KLF12: variants seen among roughly 807,000 people sequenced by gnomAD.
The protein encoded by KLF12 is Krueppel-like factor 12.
A neutral mutation model predicts 37.8 loss-of-function variants in KLF12; 9 were observed. That is an observed-to-expected ratio of 0.24 (90% confidence interval 0.14 to 0.42). The LOEUF is 0.42. KLF12 is among the 10% of genes least tolerant of loss of function. KLF12 has a pLI of 1.00. For missense variants in KLF12, 411 were observed against 516.0 expected (o/e 0.80, Z 1.97); for synonymous variants, 208 against 202.1 (o/e 1.03, Z -0.25).
intron 3 of KLF12, among the ~76,000 whole-genome samples, chr13:73,909,178 T>C (rs1024708671): frequency 6.6e-6 from 1 of 152,198 alleles, no homozygotes; most frequent in African/African-American, 2.4e-5. Flanking sequence ...GATCACCTTC[T>C]AACCCTCCCA....
intron 6 of KLF12, among the ~76,000 whole-genome samples, chr13:73,763,471 C>G (rs896342792): frequency 6.6e-6 from 1 of 152,178 alleles, no homozygotes; most frequent in African/African-American, 2.4e-5. Context: ...CAGTAGTAAA[C>G]ATCACTTTTG....
chr13:74,224,606 T>C, the KLF12 span, among the ~76,000 whole-genome samples: 10 of 152,304 alleles, frequency 6.6e-5, no homozygotes, highest in African/African-American at 2.4e-4. Flanking sequence ...TTGCTTGGAA[T>C]TGAATGTTTT....
chr13:74,238,684 C>A, the KLF12 span, among the ~76,000 whole-genome samples: 1 of 149,422 alleles, frequency 6.7e-6, no homozygotes, highest in Non-Finnish European at 1.5e-5. Context: ...TGTATGTGTC[C>A]AGGAATTTAT....
At chr13:73,811,811 T>C (rs1415508256) in intron 5 of KLF12, among the ~76,000 whole-genome samples, 2 of 152,254 alleles carry the variant, frequency 1.3e-5, no homozygotes, top group African/African-American at 2.4e-5. Context: ...TATATTCATA[T>C]ACAATATCAA....
intron 5 of KLF12, among the ~76,000 whole-genome samples, chr13:73,774,945 T>C (rs537828520): frequency 2.0e-5 from 3 of 147,090 alleles, no homozygotes; most frequent in African/African-American, 7.5e-5. Flanking sequence ...TAAGATGGAG[T>C]CTTGCTCTGT....
intron 3 of KLF12, among the ~76,000 whole-genome samples, chr13:73,857,444 A>C (rs1314012995): frequency 6.6e-6 from 1 of 152,228 alleles, no homozygotes; most frequent in African/African-American, 2.4e-5. Flanking sequence ...TCATATGTTA[A>C]AATTTATATA....
chr13:73,968,148 A>G (rs1026949999), intron 2 of KLF12, among the ~76,000 whole-genome samples: 4 of 152,212 alleles, frequency 2.6e-5, no homozygotes, highest in Non-Finnish European at 5.9e-5. Flanking sequence ...AGGAACTTCA[A>G]CTATCTCTCA....
chr13:73,967,435 C>T (rs919247088), intron 2 of KLF12, among the ~76,000 whole-genome samples: 5 of 152,176 alleles, frequency 3.3e-5, no homozygotes, highest in Non-Finnish European at 7.3e-5. Context: ...AGCTCCAAGA[C>T]AAAGTCAAGA....
chr13:73,845,445 T>C (rs529224145), intron 4 of KLF12, among the ~76,000 whole-genome samples: 2 of 152,328 alleles, frequency 1.3e-5, no homozygotes, highest in East Asian at 3.9e-4. Context: ...CCGGATTTAC[T>C]TAAAAAAATT....
chr13:73,813,344 G>C, intron 4 of KLF12, 57 bp from the exon 5 acceptor site: 1 of 1,583,774 alleles, frequency 6.3e-7, no homozygotes, highest in East Asian at 2.2e-5. Context: ...AGTTAACCTT[G>C]TCCTGGACCA....
At chr13:73,849,373 C>CATA (rs1428069823) in intron 3 of KLF12, among the ~76,000 whole-genome samples, 1 of 32,366 alleles carries the variant, frequency 3.1e-5, no homozygotes, top group African/African-American at 1.0e-4. Context: ...AGGGAGACTC[C>CATA]ATAAAAAAAA....
At chr13:74,280,355 C>G in the KLF12 span, among the ~76,000 whole-genome samples, 4 of 152,168 alleles carry the variant, frequency 2.6e-5, no homozygotes, top group Non-Finnish European at 5.9e-5. Context: ...ACAGAAGTCC[C>G]TGAAACCACT....
intron 2 of KLF12, among the ~76,000 whole-genome samples, chr13:73,971,188 A>G (rs1373568697): frequency 6.6e-5 from 10 of 152,328 alleles, no homozygotes; most frequent in Middle Eastern, 3.4e-3. Flanking sequence ...AGGAGTCAAG[A>G]AGTTAGGAAT....
chr13:74,303,849 C>T, the KLF12 span, among the ~76,000 whole-genome samples: 3 of 152,014 alleles, frequency 2.0e-5, no homozygotes, highest in Non-Finnish European at 4.4e-5. Flanking sequence ...CAGAAGGGTG[C>T]GTTATTTGTC....
chr13:73,876,024 T>G (rs1011179073), intron 3 of KLF12, among the ~76,000 whole-genome samples: 3 of 152,314 alleles, frequency 2.0e-5, no homozygotes, highest in Non-Finnish European at 4.4e-5. Context: ...GATTCTTGTA[T>G]TAATTTTCTA....
intron 3 of KLF12, among the ~76,000 whole-genome samples, chr13:73,862,670 A>G (rs1231378867): frequency 6.6e-6 from 1 of 152,198 alleles, no homozygotes; most frequent in Non-Finnish European, 1.5e-5. Flanking sequence ...AACATATCTT[A>G]GCAGAATTAT....
the KLF12 span, among the ~76,000 whole-genome samples, chr13:74,172,171 A>ACACACACACACT: frequency 1.3e-5 from 2 of 151,126 alleles, no homozygotes; most frequent in African/African-American, 4.9e-5. Context: ...ACACACACAC[A>ACACACACACACT]CTCTACTGAC....
intron 3 of KLF12, among the ~76,000 whole-genome samples, chr13:73,927,863 CTT>C (rs61339045): frequency 7.3e-4 from 98 of 133,734 alleles, no homozygotes; most frequent in Middle Eastern, 4.1e-3. Flanking sequence ...GCTGGGATCT[CTT>C]TTTTTTTTTT....
chr13:73,877,093 T>C (rs1886744433), intron 3 of KLF12, among the ~76,000 whole-genome samples: 1 of 152,220 alleles, frequency 6.6e-6, no homozygotes, highest in African/African-American at 2.4e-5. Flanking sequence ...TCAATTTCTT[T>C]GGGAAATTAT....
Sources: allele counts gnomAD v4.1 joint callset (sites outside exome capture counted in the v4.1 genomes callset), GRCh38; gene constraint gnomAD v4.1.1; transcripts MANE v1.5; gene names NCBI Gene and HGNC (gene_info 2026-07-23, HGNC 2026-07-21).